The following COMMD1 variants were observed in gnomAD, a reference collection of about 807,000 sequenced individuals.
The protein encoded by COMMD1 is COMM domain-containing protein 1.
A neutral mutation model predicts 17.2 loss-of-function variants in COMMD1; 10 were observed. The ratio of observed to expected loss-of-function variants is 0.58; its 90% CI spans 0.36 to 0.99. COMMD1 has a LOEUF of 0.99. Ranked by LOEUF, COMMD1 falls within the 50% of genes least tolerant of loss-of-function variation. COMMD1 has a pLI of 0.01. For synonymous variants in COMMD1, 97 were observed against 91.6 expected, an observed-to-expected ratio of 1.06 and a Z score of -0.34; for missense variants, 270 against 231.8, an observed-to-expected ratio of 1.17 and a Z score of -1.07.
chr2:61,895,734 G>A (rs1369146580), intron 1 of COMMD1, among the ~76,000 whole-genome samples: 3 of 152,110 alleles, frequency 2.0e-5, no homozygotes, highest in Non-Finnish European at 4.4e-5. Flanking sequence ...TACCGTTAGG[G>A]CCAGTACTGC....
chr2:61,938,171 C>T (rs1558527908), intron 1 of COMMD1, among the ~76,000 whole-genome samples: 1 of 151,902 alleles, frequency 6.6e-6, no homozygotes, highest in Non-Finnish European at 1.5e-5. Flanking sequence ...TTTGGCAGCA[C>T]CAGGGAGAGG....
chr2:62,125,655 G>A (rs148882943), intron 2 of COMMD1, among the ~76,000 whole-genome samples: 1 of 152,078 alleles, frequency 6.6e-6, no homozygotes, highest in East Asian at 1.9e-4. Flanking sequence ...TTTTCTTTTT[G>A]TAAAGTATTG....
chr2:61,944,178 G>T (rs1670844250), intron 1 of COMMD1, among the ~76,000 whole-genome samples: 1 of 152,160 alleles, frequency 6.6e-6, no homozygotes, highest in Admixed American at 6.5e-5. Context: ...TGGGCCAGGT[G>T]TGGTGGCTTA....
intron 1 of COMMD1, among the ~76,000 whole-genome samples, chr2:61,907,043 C>T (rs1159606454): frequency 6.6e-6 from 1 of 152,172 alleles, no homozygotes; most frequent in African/African-American, 2.4e-5. Context: ...AGGTGTGATC[C>T]TAGACATTCT....
At chr2:62,110,301 G>C (rs1672423312) in intron 2 of COMMD1, among the ~76,000 whole-genome samples, 1 of 151,898 alleles carries the variant, frequency 6.6e-6, no homozygotes. Flanking sequence ...CTACTTCTAG[G>C]CTCAAGCGAT....
chr2:62,098,004 T>A lies in COMMD1; in HGVS notation c.463-37827T>A, dbSNP rs559362242. Among the ~76,000 whole-genome samples the A allele has an allele frequency of 1.3e-4, 20 of 152,266 alleles. No homozygotes were observed. The South Asian group carries it at 2.3e-3, about 17-fold the overall frequency. On this transcript the variant is annotated intron_variant, in intron 2 of 2. Coordinates refer to ENST00000311832, the MANE Select transcript of COMMD1 (RefSeq NM_152516.4). ...GTTTAAGTTTTTTGCATTCTTTTTT[T>A]AAAATATTCTTTCTTTTTGCAATAG...
intron 1 of COMMD1, chr2:61,969,111 A>T: frequency 2.7e-6 from 1 of 364,328 alleles, no homozygotes; most frequent in South Asian, 2.0e-5. Context: ...GGTGCACACC[A>T]CCACATCTGG....
chr2:62,038,276 A>C (rs1216285769), intron 2 of COMMD1, among the ~76,000 whole-genome samples: 5 of 152,188 alleles, frequency 3.3e-5, no homozygotes, highest in Non-Finnish European at 5.9e-5. Context: ...TGACGGAGTG[A>C]GACTCTGTCT....
chr2:61,917,058 A>G (rs949759243), intron 1 of COMMD1, among the ~76,000 whole-genome samples: 2 of 152,162 alleles, frequency 1.3e-5, no homozygotes, highest in African/African-American at 4.8e-5. Context: ...ACAGAAGCTT[A>G]GAAGTGCATT....
chr2:61,925,946 GT>G (rs554479596), intron 1 of COMMD1, among the ~76,000 whole-genome samples: 10 of 147,724 alleles, frequency 6.8e-5, no homozygotes, highest in Admixed American at 1.4e-4. Context: ...CAGAGTTAGT[GT>G]TTTTTTTTTG....
intron 2 of COMMD1, among the ~76,000 whole-genome samples, chr2:62,076,420 A>G (rs1036003808): frequency 1.1e-4 from 17 of 152,300 alleles, no homozygotes; most frequent in Admixed American, 4.6e-4. Flanking sequence ...ATAGGAGACA[A>G]CAGAGATGGG....
chr2:61,997,376 TAA>T (rs59337897), intron 1 of COMMD1, among the ~76,000 whole-genome samples: 2 of 144,678 alleles, frequency 1.4e-5, no homozygotes, highest in Admixed American at 7.0e-5. Context: ...ATGTATTTCT[TAA>T]AAAAAAAAAA....
At chr2:62,131,940 G>A (rs1330941039) in intron 2 of COMMD1, among the ~76,000 whole-genome samples, 2 of 151,402 alleles carry the variant, frequency 1.3e-5, no homozygotes, top group East Asian at 3.9e-4. Context: ...CCAGGCTGGA[G>A]TGCAATAGCG....
At chr2:62,016,400 G>T (rs1380115358) in intron 2 of COMMD1, among the ~76,000 whole-genome samples, 1 of 151,120 alleles carries the variant, frequency 6.6e-6, no homozygotes, top group Non-Finnish European at 1.5e-5. Flanking sequence ...TGTAGAGACG[G>T]GGTTTTGCCA....
intron 2 of COMMD1, among the ~76,000 whole-genome samples, chr2:62,053,003 C>T (rs1269862120): frequency 1.3e-5 from 2 of 152,070 alleles, no homozygotes; most frequent in African/African-American, 4.8e-5. Context: ...TTCACTGAGC[C>T]CAGGAGGTTG....
At chr2:62,107,791 C>T (rs1672356896) in intron 2 of COMMD1, among the ~76,000 whole-genome samples, 1 of 152,240 alleles carries the variant, frequency 6.6e-6, no homozygotes, top group South Asian at 2.1e-4. Context: ...TCAGCTTTAT[C>T]TTCTATTTTT....
intron 1 of COMMD1, among the ~76,000 whole-genome samples, chr2:61,983,436 C>T (rs762386818): frequency 6.6e-5 from 10 of 152,022 alleles, no homozygotes; most frequent in Non-Finnish European, 1.2e-4. Flanking sequence ...GTGATCCGAC[C>T]GCCTCGGCCT....
At chr2:62,105,695 C>T (rs1045959705) in intron 2 of COMMD1, among the ~76,000 whole-genome samples, 1 of 152,086 alleles carries the variant, frequency 6.6e-6, no homozygotes, top group Non-Finnish European at 1.5e-5. Context: ...TGGTGGCAGG[C>T]GCTTGTAATC....
chr2:61,937,607 C>T (rs1670637149), intron 1 of COMMD1, among the ~76,000 whole-genome samples: 1 of 152,106 alleles, frequency 6.6e-6, no homozygotes, highest in African/African-American at 2.4e-5. Flanking sequence ...GATGAACAAA[C>T]AAAAAGCCAA....
Sources: gnomAD v4.1 joint callset for allele counts (sites outside exome capture counted in the v4.1 genomes callset) on GRCh38, gnomAD v4.1.1 for gene constraint, MANE v1.5 for transcripts, NCBI Gene and HGNC (gene_info 2026-07-23, HGNC 2026-07-21) for gene names.